The following SULF1 variants were observed in gnomAD, a reference collection of about 807,000 sequenced individuals.
The protein encoded by SULF1 is sulfatase 1, also known as extracellular sulfatase Sulf-1.
A neutral mutation model predicts 110.5 loss-of-function variants in SULF1; 46 were observed. The observed-to-expected ratio is 0.42, with a 90% confidence interval of 0.33 to 0.53. The LOEUF is 0.53. SULF1 is among the 20% of genes least tolerant of loss of function. The pLI is 0.12. For missense variants in SULF1, 941 were observed against 1,094.2 expected, an observed-to-expected ratio of 0.86 and a Z score of 1.98; for synonymous variants, 371 against 387.1, an observed-to-expected ratio of 0.96 and a Z score of 0.49.
rs990968436 is a variant in SULF1 at position 69,575,899 on chromosome 8, T to A, written c.173-71T>A. 115 of 1,557,758 alleles carry A rather than the reference T, an allele frequency of 7.4e-5. No homozygotes were observed. The African/African-American group carries it at 1.5e-3, about 20-fold the overall frequency. On this transcript the variant is annotated intron_variant, in intron 5 of 22. Transcript: ENST00000402687. ...GAATAAGTCAGGGAAACAGAGGCAC[T>A]GAGGGGCACAATCGAAATAGGCATT... is the stretch of plus-strand genomic sequence containing the variant.
At chr8:69,590,370 C>T (rs11990581) in intron 8 of SULF1, among the ~76,000 whole-genome samples, 64,777 of 151,980 alleles carry the variant, frequency 0.43, 14,853 homozygotes, top group Non-Finnish European at 0.52. Context: ...ACCATGTTGG[C>T]CAGGCTGGTC....
intron 19 of SULF1, among the ~76,000 whole-genome samples, chr8:69,635,445 G>A (rs969562494): frequency 3.9e-5 from 6 of 152,274 alleles, no homozygotes; most frequent in Admixed American, 2.6e-4. Flanking sequence ...CCTCAAAACC[G>A]CTCTAAAAAA....
At chr8:69,624,368 CAT>C (rs1809838767) in intron 15 of SULF1, among the ~76,000 whole-genome samples, 171 bp downstream of exon 15, 1 of 152,324 alleles carries the variant, frequency 6.6e-6, no homozygotes, top group East Asian at 1.9e-4. Context: ...TCCACGCAAT[CAT>C]AGGCTTGGAC....
chr8:69,569,137 T>A (rs1406397175), intron 5 of SULF1, among the ~76,000 whole-genome samples: 2 of 152,136 alleles, frequency 1.3e-5, no homozygotes, highest in Non-Finnish European at 2.9e-5. Flanking sequence ...ATTTCTTACA[T>A]TCCTAGGAAA....
chr8:69,555,215 G>C (rs1815029175), intron 3 of SULF1, among the ~76,000 whole-genome samples: 2 of 152,098 alleles, frequency 1.3e-5, no homozygotes, highest in East Asian at 1.9e-4. Flanking sequence ...CCTTCACACT[G>C]TTTCCCAGAG....
intron 3 of SULF1, among the ~76,000 whole-genome samples, chr8:69,519,319 A>C (rs1812140054): frequency 6.6e-6 from 1 of 152,190 alleles, no homozygotes; most frequent in South Asian, 2.1e-4. Flanking sequence ...AGGCATAATA[A>C]ATATTATTGA....
At chr8:69,522,612 A>C (rs79109133) in intron 3 of SULF1, among the ~76,000 whole-genome samples, 4,923 of 152,298 alleles carry the variant, frequency 0.032, 260 homozygotes, top group African/African-American at 0.11. Context: ...AGACAGGGAA[A>C]AGCACTAAAG....
At chr8:69,641,895 G>T (rs544388148) in intron 22 of SULF1, among the ~76,000 whole-genome samples, 2 of 152,162 alleles carry the variant, frequency 1.3e-5, no homozygotes, top group Non-Finnish European at 1.5e-5. Flanking sequence ...CTGGAGGGGG[G>T]ACGCACGCTC....
intron 3 of SULF1, among the ~76,000 whole-genome samples, chr8:69,550,543 G>A (rs753796124): frequency 7.9e-5 from 12 of 152,108 alleles, no homozygotes; most frequent in Non-Finnish European, 1.0e-4. Flanking sequence ...TCTGAGGAAT[G>A]AAGGAGGAGC....
At chr8:69,582,688 G>GA (rs3059986) in intron 6 of SULF1, among the ~76,000 whole-genome samples, 8,008 of 136,664 alleles carry the variant, frequency 0.059, 759 homozygotes, top group African/African-American at 0.2. Context: ...TGCCTTCTTG[G>GA]AAAAAAAAAA....
intron 8 of SULF1, chr8:69,597,279 G>T (rs1183234800): frequency 2.6e-5 from 4 of 152,190 alleles, no homozygotes; most frequent in Non-Finnish European, 5.9e-5. Flanking sequence ...CAACAACATT[G>T]TCAATTCCAG....
intron 1 of SULF1, among the ~76,000 whole-genome samples, chr8:69,474,685 A>G (rs1276188513): frequency 3.3e-5 from 5 of 152,228 alleles, no homozygotes; most frequent in Non-Finnish European, 5.9e-5. Flanking sequence ...ATGTGTTATC[A>G]CATTCTTTTT....
intron 3 of SULF1, among the ~76,000 whole-genome samples, chr8:69,522,972 G>A (rs1026706497): frequency 6.6e-6 from 1 of 152,214 alleles, no homozygotes; most frequent in African/African-American, 2.4e-5. Context: ...ATGGAGCAGA[G>A]AGAAGGACAG....
chr8:69,477,709 G>T (rs971397129), intron 1 of SULF1, among the ~76,000 whole-genome samples: 2 of 152,110 alleles, frequency 1.3e-5, no homozygotes, highest in African/African-American at 4.8e-5. Flanking sequence ...TTAATAGTGT[G>T]ATTTTGAGCA....
At chr8:69,641,599 G>T (rs1355563497) in intron 22 of SULF1, among the ~76,000 whole-genome samples, 4 of 151,944 alleles carry the variant, frequency 2.6e-5, no homozygotes, top group Non-Finnish European at 5.9e-5. Context: ...AGCCAGGTGT[G>T]GTGATGCACA....
At chr8:69,563,781 C>A in intron 4 of SULF1, 135 bp from the exon 5 acceptor site, 1 of 549,668 alleles carries the variant, frequency 1.8e-6, no homozygotes. Flanking sequence ...TTTGCTATTT[C>A]TGACTCATGT....
intron 22 of SULF1, among the ~76,000 whole-genome samples, chr8:69,655,309 AC>A (rs1812644104): frequency 6.6e-6 from 1 of 151,558 alleles, no homozygotes; most frequent in Non-Finnish European, 1.5e-5. Context: ...CTGCAGCACC[AC>A]CCCCCATACC....
chr8:69,532,917 A>G (rs2150646804), intron 3 of SULF1, among the ~76,000 whole-genome samples: 1 of 152,296 alleles, frequency 6.6e-6, no homozygotes, highest in East Asian at 1.9e-4. Context: ...TATAAGTGAA[A>G]TCATACAGTA....
At chr8:69,646,093 G>A (rs552261394) in intron 22 of SULF1, among the ~76,000 whole-genome samples, 3 of 152,054 alleles carry the variant, frequency 2.0e-5, no homozygotes, top group Non-Finnish European at 2.9e-5. Context: ...CCAGGCAAAC[G>A]AAAAATGTGG....
Sources: gnomAD v4.1 joint callset for allele counts (sites outside exome capture counted in the v4.1 genomes callset) on GRCh38, gnomAD v4.1.1 for gene constraint, MANE v1.5 for transcripts, NCBI Gene and HGNC (gene_info 2026-07-23, HGNC 2026-07-21) for gene names.